Variants in TENM2 observed in about 807,000 individuals in gnomAD.
TENM2 encodes the protein teneurin transmembrane protein 2.
In TENM2, 52 loss-of-function variants were observed where a neutral mutation model predicts 245.2. The ratio of observed to expected loss-of-function variants is 0.21; its 90% CI spans 0.17 to 0.27. The LOEUF is 0.27. TENM2 is among the 10% of genes least tolerant of loss of function. TENM2 has a pLI of 1.00. For synonymous variants in TENM2, 1,363 were observed against 1,438.9 expected (o/e 0.95, Z 1.19); for missense variants, 3,046 against 3,666.8 (o/e 0.83, Z 4.37).
At chr5:167,092,565 T>C in the TENM2 span, among the ~76,000 whole-genome samples, 1 of 152,178 alleles carries the variant, frequency 6.6e-6, no homozygotes, top group Non-Finnish European at 1.5e-5. Flanking sequence ...GCTACATGTT[T>C]TATGTGGATC....
At chr5:167,504,375 G>A (rs575811731) in intron 2 of TENM2, among the ~76,000 whole-genome samples, 4 of 152,056 alleles carry the variant, frequency 2.6e-5, no homozygotes, top group Admixed American at 2.6e-4. Flanking sequence ...ATTACTTGAG[G>A]GTTTTCTTTT....
chr5:168,244,610 T>G lies in TENM2; in HGVS notation c.5711T>G (p.Leu1904Arg). 1 of 1,604,670 alleles carries G rather than the reference T, an allele frequency of 6.2e-7. No homozygotes were observed. Among genetic ancestry groups the G allele is most frequent in the Non-Finnish European group, 8.5e-7 (1 of 1,173,696 alleles). The change falls in exon 26 of 29, where the codon CTT becomes CGT. Residue 1904 changes from leucine to arginine, a missense_variant. Leu to Arg is a moderately radical substitution (Grantham distance 102). Around this residue, in one of 2 missense-constraint regions of TENM2, gnomAD observed 2,704 missense variants for 3,331.9 expected, o/e 0.81. Coordinates refer to ENST00000518659, the Ensembl canonical transcript of TENM2. This position sits in a 1 kb window ranked among gnomAD's most constrained non-coding sequence, Gnocchi z 4.9. ...TTCTTCAATGGGCGCCTGGCTGGGC[T>G]TCAGCGTGGGGCCATGAGCGAGAGG... is the stretch of plus-strand genomic sequence containing the variant.
chr5:167,419,778 T>G lies in TENM2; in HGVS notation c.502+44305T>G, dbSNP rs191086269. Among the ~76,000 whole-genome samples the G allele has an allele frequency of 5.3e-5, 8 of 152,276 alleles. No homozygotes were observed. In the East Asian group the frequency reaches 9.7e-4, roughly 18 times the overall value. ...TTCAGTAAACCAAGAATAAATATAC[T>G]TATGATATGAAGTTAAGATTATCCG... On this transcript the variant is annotated intron_variant, in intron 2 of 28. Coordinates refer to ENST00000518659, the Ensembl canonical transcript of TENM2.
intron 2 of TENM2, among the ~76,000 whole-genome samples, chr5:167,578,288 C>G (rs1304470546): frequency 6.6e-6 from 1 of 152,132 alleles, no homozygotes; most frequent in Non-Finnish European, 1.5e-5. Context: ...CTATATCTTC[C>G]CCTTGTAGCA....
intron 2 of TENM2, among the ~76,000 whole-genome samples, chr5:167,455,199 T>G (rs1765841142): frequency 6.6e-6 from 1 of 152,206 alleles, no homozygotes; most frequent in South Asian, 2.1e-4. Flanking sequence ...GAGGAATTCC[T>G]TCTTATATGG....
the TENM2 span, among the ~76,000 whole-genome samples, chr5:167,246,563 T>C: frequency 5.5e-4 from 83 of 152,268 alleles, 1 homozygote; most frequent in South Asian, 0.017. Flanking sequence ...TGTCTGTATA[T>C]TTAAAAGGAA....
intron 1 of TENM2, among the ~76,000 whole-genome samples, chr5:167,324,633 C>T (rs1756978839): frequency 6.6e-6 from 1 of 150,566 alleles, no homozygotes; most frequent in Non-Finnish European, 1.5e-5. Context: ...GAAGGATTAA[C>T]AGTCATTGGG....
At chr5:167,532,077 A>G (rs1189356788) in intron 2 of TENM2, among the ~76,000 whole-genome samples, 1 of 152,022 alleles carries the variant, frequency 6.6e-6, no homozygotes, top group Non-Finnish European at 1.5e-5. Context: ...CTTTAATCTC[A>G]TGGCCACACC....
At chr5:167,220,647 T>A in the TENM2 span, among the ~76,000 whole-genome samples, 3 of 152,162 alleles carry the variant, frequency 2.0e-5, no homozygotes, top group African/African-American at 7.2e-5. Context: ...CGGAGAGGAC[T>A]GTATTCAAAT....
chr5:167,630,270 G>A (rs1230513397), intron 2 of TENM2, among the ~76,000 whole-genome samples: 1 of 151,936 alleles, frequency 6.6e-6, no homozygotes, highest in African/African-American at 2.4e-5. Flanking sequence ...AGGTAGAATA[G>A]GGTTACCTGA....
At chr5:167,750,211 G>A (rs995894652) in intron 2 of TENM2, among the ~76,000 whole-genome samples, 5 of 152,142 alleles carry the variant, frequency 3.3e-5, no homozygotes, top group African/African-American at 1.2e-4. Flanking sequence ...CACACAGTAG[G>A]TGCTCAATGA....
At chr5:167,156,405 A>G in the TENM2 span, among the ~76,000 whole-genome samples, 3 of 152,206 alleles carry the variant, frequency 2.0e-5, no homozygotes, top group Admixed American at 1.3e-4. Flanking sequence ...TTAACCACAC[A>G]GGATGGTAAA....
intron 2 of TENM2, chr5:167,653,442 T>C (rs1158045893): frequency 6.6e-6 from 1 of 152,134 alleles, no homozygotes; most frequent in African/African-American, 2.4e-5. Flanking sequence ...TTTAAGTAAC[T>C]CTTAAAATAT....
intron 2 of TENM2, among the ~76,000 whole-genome samples, chr5:167,587,247 C>T (rs914803181): frequency 1.3e-5 from 2 of 152,178 alleles, no homozygotes; most frequent in Admixed American, 6.5e-5. Flanking sequence ...TTTCTCTATG[C>T]TTCTCCCAGC....
At chr5:167,350,445 G>A (rs1581807327) in intron 1 of TENM2, among the ~76,000 whole-genome samples, 2 of 137,100 alleles carry the variant, frequency 1.5e-5, no homozygotes, top group Non-Finnish European at 1.6e-5. Context: ...GTGTGTGTGT[G>A]TATGTATGTC....
At chr5:168,220,119 A>G (rs908600301) in intron 23 of TENM2, among the ~76,000 whole-genome samples, 2 of 152,148 alleles carry the variant, frequency 1.3e-5, no homozygotes, top group Non-Finnish European at 2.9e-5. Context: ...ATCAAACTTT[A>G]CCAGCCAGTG....
intron 3 of TENM2, among the ~76,000 whole-genome samples, chr5:167,926,607 G>T (rs1325588769): frequency 6.6e-6 from 1 of 152,074 alleles, no homozygotes; most frequent in Non-Finnish European, 1.5e-5. Context: ...CGTAATGCTA[G>T]CTACTTGGGA....
intron 2 of TENM2, among the ~76,000 whole-genome samples, chr5:167,445,012 T>G (rs1765078134): frequency 1.3e-5 from 2 of 152,070 alleles, no homozygotes; most frequent in Admixed American, 1.3e-4. Flanking sequence ...AGGGTTGATT[T>G]GAGCATTAAG....
chr5:167,375,271 G>A, exon 2 of TENM2: 2 of 1,551,676 alleles, frequency 1.3e-6, no homozygotes, highest in East Asian at 2.4e-5. Context: ...GCTCCGACAT[G>A]GGGATCCTTC....
Sources: gnomAD v4.1 joint callset for allele counts (sites outside exome capture counted in the v4.1 genomes callset) on GRCh38, gnomAD v4.1.1 for gene constraint, gnomAD v4.1.1 regional missense constraint, Gnocchi (gnomAD v3.1) non-coding constraint, MANE v1.5 for transcripts, NCBI Gene and HGNC (gene_info 2026-07-23, HGNC 2026-07-21) for gene names.